The following CCSER1 variants were observed in gnomAD, a reference collection of about 807,000 sequenced individuals.
CCSER1 encodes serine-rich coiled-coil domain-containing protein 1.
In CCSER1, 41 loss-of-function variants were observed where a neutral mutation model predicts 82.0. The ratio of observed to expected loss-of-function variants is 0.50; its 90% CI spans 0.39 to 0.65. The LOEUF (loss-of-function observed/expected upper bound fraction) is 0.65, where lower values mean the gene tolerates loss of function less well. Among genes scored for constraint, CCSER1 ranks in the 30% least tolerant of loss-of-function variants. The pLI is 0.00. For missense variants in CCSER1, 1,119 were observed against 1,064.2 expected, an observed-to-expected ratio of 1.05 and a Z score of -0.72; for synonymous variants, 414 against 383.9, an observed-to-expected ratio of 1.08 and a Z score of -0.92.
At chr4:91,079,686 G>A (rs1722469642) in intron 9 of CCSER1, among the ~76,000 whole-genome samples, 2 of 152,164 alleles carry the variant, frequency 1.3e-5, no homozygotes, top group African/African-American at 2.4e-5. Flanking sequence ...CTCACATGCA[G>A]AGACAAATAT....
At chr4:91,207,176 T>C (rs1269964657) in intron 10 of CCSER1, among the ~76,000 whole-genome samples, 1 of 151,818 alleles carries the variant, frequency 6.6e-6, no homozygotes, top group African/African-American at 2.4e-5. Flanking sequence ...TGACTATTAA[T>C]TATGAGAGAA....
intron 8 of CCSER1, among the ~76,000 whole-genome samples, chr4:90,828,067 T>TA (rs1760697490): frequency 6.6e-6 from 1 of 152,134 alleles, no homozygotes; most frequent in Non-Finnish European, 1.5e-5. Flanking sequence ...TGATAAGAGT[T>TA]AATCTTCCCT....
intron 10 of CCSER1, among the ~76,000 whole-genome samples, chr4:91,440,308 AACTC>A (rs1225196709): frequency 6.6e-6 from 1 of 152,158 alleles, no homozygotes; most frequent in Non-Finnish European, 1.5e-5. Flanking sequence ...AGGATTAAGA[AACTC>A]ACTCAAAACC....
chr4:91,440,723 CA>C (rs977253483), intron 10 of CCSER1, among the ~76,000 whole-genome samples: 65 of 151,862 alleles, frequency 4.3e-4, no homozygotes, highest in African/African-American at 1.5e-3. Flanking sequence ...AGACCACTAG[CA>C]AGACTAATAA....
intron 7 of CCSER1, among the ~76,000 whole-genome samples, chr4:90,734,889 T>G (rs1166100335): frequency 2.0e-5 from 3 of 152,196 alleles, no homozygotes; most frequent in Non-Finnish European, 4.4e-5. Context: ...GGCATCCTTG[T>G]TTTGTTCCAA....
chr4:90,749,824 G>T (rs1242346354), intron 7 of CCSER1, among the ~76,000 whole-genome samples: 1 of 151,674 alleles, frequency 6.6e-6, no homozygotes, highest in Non-Finnish European at 1.5e-5. Context: ...GGATGGCTGG[G>T]TCAAATGGTA....
chr4:91,113,379 A>G (rs1726255789), intron 10 of CCSER1, among the ~76,000 whole-genome samples: 1 of 152,244 alleles, frequency 6.6e-6, no homozygotes, highest in African/African-American at 2.4e-5. Flanking sequence ...CTGAGGACCT[A>G]CTGTGTGCCA....
At chr4:90,493,777 G>C (rs914064737) in intron 5 of CCSER1, among the ~76,000 whole-genome samples, 3 of 151,882 alleles carry the variant, frequency 2.0e-5, no homozygotes, top group African/African-American at 7.2e-5. Flanking sequence ...ACTAAACATG[G>C]AAAGGAACAA....
intron 5 of CCSER1, among the ~76,000 whole-genome samples, chr4:90,512,717 A>T (rs543214252): frequency 6.6e-6 from 1 of 152,220 alleles, no homozygotes; most frequent in Non-Finnish European, 1.5e-5. Context: ...ATCCAATCAC[A>T]TTTAGAATAA....
chr4:91,283,889 A>C (rs561616558), intron 10 of CCSER1, among the ~76,000 whole-genome samples: 1 of 152,122 alleles, frequency 6.6e-6, no homozygotes, highest in South Asian at 2.1e-4. Flanking sequence ...TGTTGTAAAC[A>C]TGACTGTGTT....
At chr4:90,716,670 A>T (rs973666113) in intron 6 of CCSER1, among the ~76,000 whole-genome samples, 3 of 152,142 alleles carry the variant, frequency 2.0e-5, no homozygotes, top group African/African-American at 7.2e-5. Flanking sequence ...GTACAGTAAC[A>T]TGCTGTACAG....
At chr4:90,288,600 T>C (rs1273244339) in intron 1 of CCSER1, among the ~76,000 whole-genome samples, 1 of 151,968 alleles carries the variant, frequency 6.6e-6, no homozygotes, top group East Asian at 1.9e-4. Context: ...TATTTGAGAA[T>C]TCACTTAGTA....
intron 1 of CCSER1, among the ~76,000 whole-genome samples, chr4:90,203,584 C>G (rs1440946969): frequency 6.6e-6 from 1 of 152,142 alleles, no homozygotes; most frequent in Non-Finnish European, 1.5e-5. Flanking sequence ...TTTTCTTTAT[C>G]CAGTTTATCA....
At chr4:90,248,487 T>A (rs1721829701) in intron 1 of CCSER1, among the ~76,000 whole-genome samples, 1 of 152,114 alleles carries the variant, frequency 6.6e-6, no homozygotes. Flanking sequence ...AATGTACACA[T>A]CAGTATGTAG....
At chr4:90,682,146 G>A (rs1733999298) in intron 6 of CCSER1, among the ~76,000 whole-genome samples, 1 of 151,342 alleles carries the variant, frequency 6.6e-6, no homozygotes, top group Admixed American at 6.6e-5. Flanking sequence ...ACATGGTGTA[G>A]GTAAATCATC....
intron 5 of CCSER1, among the ~76,000 whole-genome samples, chr4:90,484,110 C>A (rs576113936): frequency 1.3e-5 from 2 of 152,284 alleles, no homozygotes; most frequent in East Asian, 3.9e-4. Flanking sequence ...CTTCACGCTT[C>A]ATTTCATTCA....
chr4:90,927,898 A>G (rs986106960), intron 9 of CCSER1, among the ~76,000 whole-genome samples: 2 of 152,034 alleles, frequency 1.3e-5, no homozygotes, highest in Non-Finnish European at 1.5e-5. Context: ...GTGCTAATGT[A>G]TTATGTCTGC....
intron 10 of CCSER1, among the ~76,000 whole-genome samples, chr4:91,245,391 A>T (rs1042526327): frequency 1.3e-5 from 2 of 152,172 alleles, no homozygotes; most frequent in African/African-American, 4.8e-5. Flanking sequence ...TGATACTAAA[A>T]ACAGCAAGAG....
intron 8 of CCSER1, among the ~76,000 whole-genome samples, chr4:90,917,466 A>G (rs568955385): frequency 2.0e-4 from 30 of 152,318 alleles, no homozygotes; most frequent in African/African-American, 7.2e-4. Flanking sequence ...TTGAACAATG[A>G]GAACACTTGG....
Sources: gnomAD v4.1 joint callset for allele counts (sites outside exome capture counted in the v4.1 genomes callset) on GRCh38, gnomAD v4.1.1 for gene constraint, MANE v1.5 for transcripts, NCBI Gene and HGNC (gene_info 2026-07-23, HGNC 2026-07-21) for gene names.